The following FRK variants were observed in gnomAD, a reference collection of about 807,000 sequenced individuals.
FRK encodes tyrosine-protein kinase FRK.
FRK carries 51 observed loss-of-function variants against 56.4 expected under a neutral mutation model. That is an observed-to-expected ratio of 0.90 (90% CI 0.72 to 1.14). The LOEUF is 1.14. Ranked by LOEUF, FRK falls within the 50% of genes most tolerant of loss-of-function variation. The pLI is 0.00. For missense variants in FRK, 570 were observed against 601.4 expected (o/e 0.95, Z 0.55); for synonymous variants, 245 against 217.9 (o/e 1.12, Z -1.10).
At chr6:115,955,042 G>C (rs76903801) in intron 5 of FRK, among the ~76,000 whole-genome samples, 6,191 of 152,220 alleles carry the variant, frequency 0.041, 338 homozygotes, top group Admixed American at 0.15. Context: ...AGTTGGGTAT[G>C]ATTCTCAAGT....
chr6:115,966,063 A>T (rs1391176458), intron 4 of FRK, among the ~76,000 whole-genome samples: 1,748 of 12,914 alleles, frequency 0.14, 26 homozygotes, highest in East Asian at 0.17. Flanking sequence ...AAAAAAAATT[A>T]AAAAAAAAAA....
In FRK at chr6:115,934,109, A is replaced by G. The variant is rs755702196; in HGVS notation, c.*8305T>C. 8 of 152,208 alleles carry G rather than the reference A, an allele frequency of 5.3e-5. No individual in the cohort carries two copies. The highest frequency in any genetic ancestry group is 1.3e-4 in the Admixed American group (2 of 15,280). The allele number at this position is 152,208 out of a possible 1,614,324, so 9.4% of individuals were successfully genotyped here. A position where few individuals can be genotyped will look rare whatever the true frequency, so the allele number is the denominator to read the frequency against. ...GAGAAAGGAGGGAGATGAGGTGATG[A>G]TGATGATAGATGGGTGGATAGATAA... is the stretch of plus-strand genomic sequence containing the variant. On this transcript the variant is annotated 3_prime_UTR_variant, in exon 8 of 8. Transcript: ENST00000606080.
Position 116,048,002 on chromosome 6 carries a change from C to T in FRK, c.344+11966G>A, listed in dbSNP as rs1241950480. On this transcript the variant is annotated intron_variant, in intron 1 of 7. Transcript: ENST00000606080. ...CTACAACTTACACACCACTTATTCACCTAAACTACAGCTATTTAAATCTAA... is the reference window on the plus strand; with the variant it reads ...CTACAACTTACACACCACTTATTCATCTAAACTACAGCTATTTAAATCTAA... Among the ~76,000 whole-genome samples the T allele has an allele frequency of 2.6e-5, 4 of 152,350 alleles. No individual in the cohort carries two copies. In the East Asian group the frequency reaches 7.7e-4, roughly 29 times the overall value.
the FRK span, among the ~76,000 whole-genome samples, chr6:116,085,046 T>TATGAAGGATGAAA: frequency 6.6e-6 from 1 of 152,182 alleles, no homozygotes; most frequent in Non-Finnish European, 1.5e-5. Flanking sequence ...GTGGTATGCC[T>TATGAAGGATGAAA]GCTTTGAAAT....
the FRK span, among the ~76,000 whole-genome samples, chr6:116,081,714 T>A: frequency 6.6e-6 from 1 of 151,840 alleles, no homozygotes; most frequent in Non-Finnish European, 1.5e-5. Context: ...ATAATAATAA[T>A]GGTTACACTT....
chr6:116,051,594 T>G (rs1487869926), intron 1 of FRK, among the ~76,000 whole-genome samples: 1 of 152,112 alleles, frequency 6.6e-6, no homozygotes, highest in East Asian at 1.9e-4. Flanking sequence ...AACAGCCATA[T>G]AAACTAATAC....
chr6:116,099,904 T>C, the FRK span, among the ~76,000 whole-genome samples: 2 of 152,376 alleles, frequency 1.3e-5, no homozygotes, highest in Non-Finnish European at 2.9e-5. Context: ...AATGAGGTAC[T>C]ATGTAATAAA....
chr6:116,050,739 AAC>A (rs1021314554), intron 1 of FRK, among the ~76,000 whole-genome samples: 1 of 152,192 alleles, frequency 6.6e-6, no homozygotes, highest in Non-Finnish European at 1.5e-5. Context: ...ACTACACAAA[AAC>A]AGTGTCTTTA....
the FRK span, among the ~76,000 whole-genome samples, chr6:116,068,516 G>T: frequency 2.6e-5 from 4 of 152,094 alleles, no homozygotes; most frequent in African/African-American, 9.7e-5. Flanking sequence ...TTTTACAACT[G>T]GTTCTATCTA....
At chr6:116,003,320 C>T (rs991124873) in intron 2 of FRK, among the ~76,000 whole-genome samples, 1 of 152,182 alleles carries the variant, frequency 6.6e-6, no homozygotes, top group Non-Finnish European at 1.5e-5. Flanking sequence ...TATTTAGGTA[C>T]CTGTAACTAC....
At chr6:116,017,232 T>A (rs1382311799) in intron 1 of FRK, among the ~76,000 whole-genome samples, 1 of 152,130 alleles carries the variant, frequency 6.6e-6, no homozygotes, top group African/African-American at 2.4e-5. Context: ...CCTTACACGT[T>A]TTAAGTTCAG....
Position 115,970,653 on chromosome 6 carries a change from T to C in FRK, c.467-1914A>G, listed in dbSNP as rs967544030. ...GTGGCTCACGCCTTTAGTCACAGCA[T>C]CTGGGGAGGTTGAGATGGAAGAATT... On this transcript the variant is annotated intron_variant, in intron 2 of 7. Transcript: ENST00000606080. 2.6e-5 allele frequency among the ~76,000 whole-genome samples: 4 copies of C among 152,306 alleles called. No homozygotes were observed. The East Asian group carries it at 5.8e-4, about 22-fold the overall frequency.
chr6:115,987,709 T>C (rs138553701), intron 2 of FRK, among the ~76,000 whole-genome samples: 1 of 152,178 alleles, frequency 6.6e-6, no homozygotes, highest in Non-Finnish European at 1.5e-5. Flanking sequence ...TCGCTTGCCA[T>C]TTAGTCCAGC....
chr6:116,078,548 C>T, the FRK span, among the ~76,000 whole-genome samples: 1 of 152,072 alleles, frequency 6.6e-6, no homozygotes, highest in Non-Finnish European at 1.5e-5. Context: ...CTCAAAACAC[C>T]CCATGTGAAA....
At chr6:116,077,233 A>G in the FRK span, among the ~76,000 whole-genome samples, 869 of 152,336 alleles carry the variant, frequency 5.7e-3, 9 homozygotes, top group African/African-American at 0.02. Flanking sequence ...GAAGTCACAC[A>G]TCAAGAACCA....
At chr6:115,977,365 C>A (rs894631413) in intron 2 of FRK, among the ~76,000 whole-genome samples, 1 of 152,048 alleles carries the variant, frequency 6.6e-6, no homozygotes, top group African/African-American at 2.4e-5. Context: ...CCACTAAGAC[C>A]AAAGAGAACA....
At chr6:116,040,455 C>T (rs1776669753) in intron 1 of FRK, among the ~76,000 whole-genome samples, 1 of 152,192 alleles carries the variant, frequency 6.6e-6, no homozygotes, top group Non-Finnish European at 1.5e-5. Context: ...TACTAACATA[C>T]ATTTGCAAAC....
At chr6:115,975,375 T>C (rs1355435728) in intron 2 of FRK, among the ~76,000 whole-genome samples, 2 of 152,162 alleles carry the variant, frequency 1.3e-5, no homozygotes, top group East Asian at 3.8e-4. Context: ...ATTCAATACA[T>C]TGTAGCCAGG....
At chr6:115,983,978 C>T (rs897850599) in intron 2 of FRK, among the ~76,000 whole-genome samples, 4 of 152,126 alleles carry the variant, frequency 2.6e-5, no homozygotes, top group African/African-American at 9.7e-5. Flanking sequence ...CCTGAATGTA[C>T]TATGGTGTTT....
Sources: allele counts gnomAD v4.1 joint callset (sites outside exome capture counted in the v4.1 genomes callset), GRCh38; gene constraint gnomAD v4.1.1; transcripts MANE v1.5; gene names NCBI Gene and HGNC (gene_info 2026-07-23, HGNC 2026-07-21).